ARPC3: variants seen among roughly 807,000 people sequenced by gnomAD.
ARPC3 encodes actin-related protein 2/3 complex subunit 3.
A neutral mutation model predicts 27.6 loss-of-function variants in ARPC3; 12 were observed. That is an observed-to-expected ratio of 0.43 (90% confidence interval 0.28 to 0.70). The LOEUF (loss-of-function observed/expected upper bound fraction) is 0.70. Among genes scored for constraint, ARPC3 ranks in the 30% least tolerant of loss-of-function variants. The probability of loss-of-function intolerance (pLI) is 0.17; values close to 1 mark genes in which losing one functional copy is unlikely to be tolerated. For missense variants in ARPC3, 153 were observed against 207.7 expected, an observed-to-expected ratio of 0.74 and a Z score of 1.62; for synonymous variants, 53 against 67.2, an observed-to-expected ratio of 0.79 and a Z score of 1.03.
rs201263233 is a variant in ARPC3 at position 110,450,256 on chromosome 12, G to A, written c.5C>T (p.Pro2Leu). 325 of 1,613,964 alleles carry A rather than the reference G, an allele frequency of 2.0e-4. 1 individual carries two copies. The highest frequency in any genetic ancestry group is 3.3e-5 in the Admixed American group (2 of 60,000). M[P>L]AYHSSLMDPD... is the part of the protein sequence containing the mutation. ...CCACACCGTGGATCGAACCCTCACC[G>A]GCATCTTGGCGGCGCCCGGGTTTCA... Residue 2 changes from proline (P) to leucine (L), a missense_variant and splice_region_variant, in exon 1 of 7, where the codon CCG becomes CTG. Coordinates refer to ENST00000228825, the MANE Select transcript of ARPC3 (RefSeq NM_001278556.2).
intron 3 of ARPC3, among the ~76,000 whole-genome samples, chr12:110,439,201 G>T (rs904281042): frequency 6.6e-6 from 1 of 151,882 alleles, no homozygotes; most frequent in Non-Finnish European, 1.5e-5. Context: ...GGCCAGGCTG[G>T]TCTCAAACTC....
chr12:110,442,299 A>G (rs931273062), intron 2 of ARPC3, among the ~76,000 whole-genome samples: 4 of 152,098 alleles, frequency 2.6e-5, no homozygotes, highest in Non-Finnish European at 5.9e-5. Context: ...ACTAACTTTA[A>G]CTGCTTCCTA....
At position 110,436,221 on chromosome 12, in the gene ARPC3, T is replaced by A. The variant is rs560822834; in HGVS notation, c.380-17A>T. The A allele has an allele frequency of 4.3e-5, 68 of 1,591,194 alleles. No individual in the cohort carries two copies. Among genetic ancestry groups the A allele is most frequent in the African/African-American group, 5.4e-5 (4 of 74,402 alleles). On this transcript the variant is annotated splice_polypyrimidine_tract_variant and intron_variant, in intron 5 of 6. Coordinates refer to ENST00000228825, the MANE Select transcript of ARPC3 (RefSeq NM_001278556.2). ...TCATCACTTCTAAAACAGAACAATTTAAAAAAAACTGTATTTGCAAATACA... is the reference window on the plus strand; with the variant it reads ...TCATCACTTCTAAAACAGAACAATTAAAAAAAAACTGTATTTGCAAATACA...
chr12:110,445,564 GC>G lies in ARPC3; in HGVS notation c.7-14del. The G allele has an allele frequency of 6.4e-7, 1 of 1,569,176 alleles. No homozygotes were observed. The highest frequency in any genetic ancestry group is 8.8e-7 in the Non-Finnish European group (1 of 1,139,206). ...AAGAGTGGTAAGCCTGTAATGGCAAGCCCAGGAAGAACACAGAAGCAGAAAA... is the reference window on the plus strand; with the variant it reads ...AAGAGTGGTAAGCCTGTAATGGCAAGCCAGGAAGAACACAGAAGCAGAAAA... On this transcript the variant is annotated splice_polypyrimidine_tract_variant and intron_variant, in intron 1 of 6. Coordinates refer to ENST00000228825, the MANE Select transcript of ARPC3 (RefSeq NM_001278556.2).
In ARPC3 at chr12:110,436,434, G is replaced by A. The variant is rs1432428528; in HGVS notation, c.379+123C>T. 7 of 1,490,512 alleles carry A rather than the reference G, an allele frequency of 4.7e-6. No individual in the cohort carries two copies. The Admixed American group carries it at 6.8e-5, about 14-fold the overall frequency. The allele number at this position is 1,490,512 out of a possible 1,614,324, so 92.3% of individuals were successfully genotyped here. On this transcript the variant is annotated intron_variant, in intron 5 of 6. Transcript: ENST00000228825. ...TTGTGAGAGTGACTAATAAGATAAT[G>A]TACTTCCTATGATTTCACTCTCAAT... is the stretch of plus-strand genomic sequence containing the variant.
chr12:110,446,057 C>A (rs980087838), intron 1 of ARPC3, among the ~76,000 whole-genome samples: 1 of 150,246 alleles, frequency 6.7e-6, no homozygotes. Flanking sequence ...GAGCCGAGAT[C>A]GTGCCACTGC....
Position 110,434,962 on chromosome 12 carries a change from A to C in ARPC3, c.*193T>G. ...TATTAAGCGCCAGCTTTAATGCTGCAGAAAATTTCAAATCACCCTTGATAA... is the reference window on the plus strand; with the variant it reads ...TATTAAGCGCCAGCTTTAATGCTGCCGAAAATTTCAAATCACCCTTGATAA... On this transcript the variant is annotated 3_prime_UTR_variant, in exon 7 of 7. Coordinates refer to ENST00000228825, the MANE Select transcript of ARPC3 (RefSeq NM_001278556.2). 1 of 711,682 alleles carries C rather than the reference A, an allele frequency of 1.4e-6. No homozygotes were observed. Among genetic ancestry groups the C allele is most frequent in the Non-Finnish European group, 2.6e-6 (1 of 382,614 alleles). The allele number at this position is 711,682 out of a possible 1,614,324, so 44.1% of individuals were successfully genotyped here.
chr12:110,450,048 C>G (rs956808538), intron 1 of ARPC3, among the ~76,000 whole-genome samples: 1 of 152,202 alleles, frequency 6.6e-6, no homozygotes, highest in Non-Finnish European at 1.5e-5. Flanking sequence ...ACCCTTGGCC[C>G]ACTCCTGCCG....
chr12:110,436,711 T>TACACACACACACACACACACAC (rs375877607), intron 4 of ARPC3, 28 bp from the exon 5 acceptor site: 1 of 352,846 alleles, frequency 2.8e-6, no homozygotes, highest in South Asian at 2.9e-5. Flanking sequence ...TATATATATA[T>TACACACACACACACACACACAC]ACACACACAC....
chr12:110,440,456 G>T, intron 2 of ARPC3, 68 bp from the exon 3 acceptor site: 2 of 1,055,008 alleles, frequency 1.9e-6, no homozygotes, highest in Non-Finnish European at 1.5e-6. Flanking sequence ...AACTATCAAA[G>T]CCATAAAGGG....
chr12:110,439,406 C>T (rs1434964371), intron 3 of ARPC3, among the ~76,000 whole-genome samples: 1 of 152,212 alleles, frequency 6.6e-6, no homozygotes, highest in Non-Finnish European at 1.5e-5. Context: ...TTAACCCACA[C>T]ATGAGATATA....
chr12:110,441,882 A>T (rs1472256501), intron 2 of ARPC3, among the ~76,000 whole-genome samples: 1 of 151,460 alleles, frequency 6.6e-6, no homozygotes, highest in East Asian at 1.9e-4. Context: ...AATACAAAAA[A>T]TTAGCCAAGC....
chr12:110,440,580 T>C (rs1372929145), intron 2 of ARPC3, 192 bp from the exon 3 acceptor site: 14 of 514,730 alleles, frequency 2.7e-5, no homozygotes, highest in Middle Eastern at 1.1e-3. Flanking sequence ...AGAGTCTCGC[T>C]CTGTCACCCA....
intron 1 of ARPC3, among the ~76,000 whole-genome samples, chr12:110,446,173 GAGA>G (rs1215856991): frequency 4.9e-5 from 6 of 121,574 alleles, no homozygotes; most frequent in Admixed American, 8.5e-5. Context: ...TTTTTTTTTT[GAGA>G]AGGAGTCTCA....
intron 1 of ARPC3, among the ~76,000 whole-genome samples, chr12:110,446,047 G>A (rs1400919858): frequency 6.6e-6 from 1 of 150,924 alleles, no homozygotes; most frequent in Non-Finnish European, 1.5e-5. Flanking sequence ...AGGCTGCAGT[G>A]AGCCGAGATC....
At position 110,445,339 on chromosome 12, in the gene ARPC3, T is replaced by A. The variant is rs2062458305; in HGVS notation, c.106+113A>T. 4 of 835,988 alleles carry A rather than the reference T, an allele frequency of 4.8e-6. No individual in the cohort carries two copies. The Admixed American group carries it at 7.8e-5, about 16-fold the overall frequency. The allele number at this position is 835,988 out of a possible 1,614,324, so 51.8% of individuals were successfully genotyped here. ...AGACCACAGTATCTACCAAGCAAAGTACAAGGGCAATTTGAGAGAGAAGAC... is the reference window on the plus strand; with the variant it reads ...AGACCACAGTATCTACCAAGCAAAGAACAAGGGCAATTTGAGAGAGAAGAC... On this transcript the variant is annotated intron_variant, in intron 2 of 6. Coordinates refer to ENST00000228825, the MANE Select transcript of ARPC3 (RefSeq NM_001278556.2).
In ARPC3 at chr12:110,438,602, C is replaced by CA. The variant is rs1171222079; in HGVS notation, c.184-1451dup. Among the ~76,000 whole-genome samples, 6 of 149,780 alleles carry CA rather than the reference C, an allele frequency of 4.0e-5. No homozygotes were observed. The East Asian group carries it at 8.0e-4, about 20-fold the overall frequency. On this transcript the variant is annotated intron_variant, in intron 3 of 6. Transcript: ENST00000228825. The stretch of plus-strand genomic sequence containing the variant: ...GACAGAGCGGGACTCTGTCTCAAAA[C>CA]AAAAAAACAACAAAAAAATTACCCC...
At chr12:110,439,620 C>T (rs950883030) in intron 3 of ARPC3, among the ~76,000 whole-genome samples, 6 of 152,122 alleles carry the variant, frequency 3.9e-5, no homozygotes, top group African/African-American at 1.4e-4. Context: ...ATCATGAGGT[C>T]AGGAGATCGA....
intron 2 of ARPC3, among the ~76,000 whole-genome samples, chr12:110,443,289 T>G (rs897282953): frequency 6.6e-6 from 1 of 151,788 alleles, no homozygotes; most frequent in African/African-American, 2.4e-5. Flanking sequence ...TGGCTAATTT[T>G]TTGTATTTTT....
Sources: gnomAD v4.1 joint callset for allele counts (sites outside exome capture counted in the v4.1 genomes callset) on GRCh38, gnomAD v4.1.1 for gene constraint, MANE v1.5 for transcripts, NCBI Gene and HGNC (gene_info 2026-07-23, HGNC 2026-07-21) for gene names.